DERL1: variants seen among roughly 807,000 people sequenced by gnomAD.
DERL1 encodes the protein derlin 1, also known as derlin-1.
A neutral mutation model predicts 41.6 loss-of-function variants in DERL1; 24 were observed. The observed-to-expected ratio is 0.58, with a 90% CI of 0.42 to 0.81. The LOEUF is 0.81. DERL1 is among the 30% of genes least tolerant of loss of function. The pLI is 0.00. For synonymous variants in DERL1, 124 were observed against 112.5 expected, an observed-to-expected ratio of 1.10 and a Z score of -0.65; for missense variants, 260 against 314.3, an observed-to-expected ratio of 0.83 and a Z score of 1.31.
rs11691 is a variant in DERL1 at position 123,015,268 on chromosome 8, C to G, written c.*179G>C. ...CAGCAGTAAGGACTTGAATGAGAATCGTGAAACTTGTGGAACACTTATATT... is the reference window on the plus strand; with the variant it reads ...CAGCAGTAAGGACTTGAATGAGAATGGTGAAACTTGTGGAACACTTATATT... On this transcript the variant is annotated 3_prime_UTR_variant, in exon 8 of 8. Transcript: ENST00000259512. 1.2e-6 allele frequency: 1 copy of G among 858,604 alleles called. No homozygotes were observed. Among genetic ancestry groups the G allele is most frequent in the Non-Finnish European group, 1.7e-6 (1 of 590,914 alleles). 53.2% of individuals were successfully genotyped at this position (858,604 alleles called of 1,614,324 possible). A position where few individuals can be genotyped will look rare whatever the true frequency, so the allele number is the denominator to read the frequency against.
At chr8:123,037,100 G>A (rs933123023) in intron 1 of DERL1, among the ~76,000 whole-genome samples, 2 of 152,172 alleles carry the variant, frequency 1.3e-5, no homozygotes, top group African/African-American at 4.8e-5. Context: ...GTCCAGGAGA[G>A]AAGGAAATAA....
intron 5 of DERL1, 121 bp downstream of exon 5, chr8:123,022,563 T>G: frequency 1.2e-6 from 1 of 864,986 alleles, no homozygotes; most frequent in East Asian, 2.5e-5. Context: ...GAAAGGGGCT[T>G]GCCTATGGTA....
chr8:123,027,714 C>T (rs888769474), intron 2 of DERL1, among the ~76,000 whole-genome samples: 7 of 152,016 alleles, frequency 4.6e-5, no homozygotes, highest in Non-Finnish European at 8.8e-5. Context: ...ATTACCTGAC[C>T]AGGTAATAGG....
chr8:123,040,548 T>C (rs1216193121), intron 1 of DERL1, among the ~76,000 whole-genome samples: 1 of 152,150 alleles, frequency 6.6e-6, no homozygotes, highest in Admixed American at 6.5e-5. Context: ...CTGAAAGGAC[T>C]TGGATTTTAC....
chr8:123,022,961 TAATAA>T (rs1812599272), intron 4 of DERL1, among the ~76,000 whole-genome samples, 182 bp from the exon 5 acceptor site: 1 of 152,168 alleles, frequency 6.6e-6, no homozygotes, highest in African/African-American at 2.4e-5. Context: ...CAAAATCCTA[TAATAA>T]AATACAACAA....
chr8:123,035,267 T>C (rs192117917), intron 1 of DERL1, among the ~76,000 whole-genome samples: 99 of 152,372 alleles, frequency 6.5e-4, no homozygotes, highest in Middle Eastern at 3.4e-3. Flanking sequence ...TTCATTGATC[T>C]AAAAGACTTA....
rs1255935348 is a variant in DERL1 at position 123,015,178 on chromosome 8, G to A, written c.*269C>T. On this transcript the variant is annotated 3_prime_UTR_variant, in exon 8 of 8. Coordinates refer to ENST00000259512, the MANE Select transcript of DERL1 (RefSeq NM_024295.6). ...AAACCCATTATTCAGACGGAAAGGG[G>A]AGAAGAGAAGACACCAAAAAATGTA... is the stretch of plus-strand genomic sequence containing the variant. 5 of 344,118 alleles carry A rather than the reference G, an allele frequency of 1.5e-5. No homozygotes were observed. Among genetic ancestry groups the A allele is most frequent in the Non-Finnish European group, 2.6e-5 (5 of 192,018 alleles). 21.3% of individuals were successfully genotyped at this position (344,118 alleles called of 1,614,324 possible).
At chr8:123,026,144 T>C (rs553593036) in intron 2 of DERL1, among the ~76,000 whole-genome samples, 69 of 150,752 alleles carry the variant, frequency 4.6e-4, no homozygotes, top group African/African-American at 9.8e-4. Flanking sequence ...TAAAAGAAAA[T>C]AGGTTTCCAG....
intron 1 of DERL1, among the ~76,000 whole-genome samples, chr8:123,036,108 A>T (rs909412619): frequency 6.6e-6 from 1 of 152,178 alleles, no homozygotes; most frequent in East Asian, 1.9e-4. Flanking sequence ...GAAGCCATCA[A>T]ATCTACTCCT....
At chr8:123,038,479 C>T (rs1240217514) in intron 1 of DERL1, among the ~76,000 whole-genome samples, 2 of 152,208 alleles carry the variant, frequency 1.3e-5, no homozygotes, top group African/African-American at 4.8e-5. Flanking sequence ...CTCCTGCTGG[C>T]AGCTGAGAAG....
intron 3 of DERL1, among the ~76,000 whole-genome samples, chr8:123,024,596 G>A (rs1434084929): frequency 6.6e-6 from 1 of 152,216 alleles, no homozygotes; most frequent in African/African-American, 2.4e-5. Context: ...GGACAGCAAT[G>A]AAGTCAGAAA....
intron 2 of DERL1, among the ~76,000 whole-genome samples, chr8:123,028,037 C>T (rs1350307106): frequency 7.3e-6 from 1 of 137,258 alleles, no homozygotes; most frequent in Non-Finnish European, 1.5e-5. Context: ...ACTCCCCCGA[C>T]TGGGTGACAG....
At chr8:123,027,038 G>A (rs1812712817) in intron 2 of DERL1, among the ~76,000 whole-genome samples, 1 of 152,178 alleles carries the variant, frequency 6.6e-6, no homozygotes, top group South Asian at 2.1e-4. Flanking sequence ...GCTCACGCCT[G>A]TAGTACCAGC....
chr8:123,021,779 C>T (rs183331093), intron 5 of DERL1, among the ~76,000 whole-genome samples: 2 of 152,290 alleles, frequency 1.3e-5, no homozygotes, highest in East Asian at 3.9e-4. Flanking sequence ...TATAAACAGA[C>T]AGCTTCAAAA....
Position 123,024,995 on chromosome 8 carries a change from A to C in DERL1, c.321T>G (p.Ile107Met). The C allele has an allele frequency of 6.2e-7, 1 of 1,613,780 alleles. No individual in the cohort carries two copies. Among genetic ancestry groups the C allele is most frequent in the Non-Finnish European group, 8.5e-7 (1 of 1,179,920 alleles). The change falls in exon 3 of 8, where the codon ATT (isoleucine) becomes ATG (methionine). Residue 107 changes from isoleucine to methionine, a missense_variant. Physicochemically the swap from Ile to Met is conservative, Grantham distance 10 (BLOSUM62 1). Transcript: ENST00000259512. ...DYLFMLLFNWICIVITGLAMD... is the reference protein window; with the variant it reads ...DYLFMLLFNWMCIVITGLAMD... ...ACAGACTGAAGGATACCACGATGCA[A>C]ATCCAGTTAAAGAGGAGCATGAATA...
Position 123,015,567 on chromosome 8 carries a change from A to C in DERL1, c.636T>G (p.Ser212Arg). ...CAAATCCTGATACTCCTCCTCTCCT[A>C]CTGGGCAGCCAGCGGTACCTGGTGC... ...TPQFLYRWLP[S>R]RRGGVSGFGV... Residue 212 changes from serine (S) to arginine (R), a missense_variant, in exon 8 of 8, where the codon AGT becomes AGG. Physicochemically the swap from Ser to Arg is moderately radical, Grantham distance 110 (BLOSUM62 -1). Transcript: ENST00000259512. 1 of 1,610,308 alleles carries C rather than the reference A, an allele frequency of 6.2e-7. No homozygotes were observed. The highest frequency in any genetic ancestry group is 8.5e-7 in the Non-Finnish European group (1 of 1,178,344).
Position 123,019,209 on chromosome 8 carries a change from G to A in DERL1, c.603C>T (p.Ser201=). 6.2e-7 allele frequency: 1 copy of A among 1,610,408 alleles called. No homozygotes were observed. Among genetic ancestry groups the A allele is most frequent in the South Asian group, 1.1e-5 (1 of 91,006 alleles). Residue 201 remains serine (S), a synonymous_variant, in exon 7 of 8, where the codon TCC becomes TCT. Transcript: ENST00000259512. ...PMDLGGRNFL[S]TPQFLYRWLP... ...AAAACACTTACAAAAACTGAGGTGT[G>A]GATAGAAAATTTCTTCCTCCCAAGT...
In DERL1 at chr8:123,024,967, A is replaced by G; in HGVS notation, c.330+19T>C. The G allele has an allele frequency of 6.2e-7, 1 of 1,610,510 alleles. No homozygotes were observed. The highest frequency in any genetic ancestry group is 8.5e-7 in the Non-Finnish European group (1 of 1,178,510). On this transcript the variant is annotated intron_variant, in intron 3 of 7. Transcript: ENST00000259512. ...AAAACTGGTTTATTTCTGGCCCAAA[A>G]TCACAGACTGAAGGATACCACGATG...
chr8:123,038,336 C>T (rs1024047152), intron 1 of DERL1, among the ~76,000 whole-genome samples: 2 of 152,180 alleles, frequency 1.3e-5, no homozygotes, highest in Non-Finnish European at 2.9e-5. Flanking sequence ...TTGACTGCTT[C>T]ATTTGCAAAT....
Sources: gnomAD v4.1 joint callset for allele counts (sites outside exome capture counted in the v4.1 genomes callset) on GRCh38, gnomAD v4.1.1 for gene constraint, MANE v1.5 for transcripts, NCBI Gene and HGNC (gene_info 2026-07-23, HGNC 2026-07-21) for gene names.